WFS1: variants seen among roughly 807,000 people sequenced by gnomAD.
WFS1 encodes the protein wolframin ER transmembrane glycoprotein.
WFS1 carries 90 observed loss-of-function variants against 68.5 expected under a neutral mutation model. That is an observed-to-expected ratio of 1.31 (90% confidence interval 1.11 to 1.56). The LOEUF is 1.56. Ranked by LOEUF, WFS1 falls within the 40% of genes most tolerant of loss-of-function variation. The pLI is 0.00. For missense variants in WFS1, 1,767 were observed against 1,232.6 expected, an observed-to-expected ratio of 1.43 and a Z score of -6.49; for synonymous variants, 860 against 540.7, an observed-to-expected ratio of 1.59 and a Z score of -8.19.
At chr4:6,295,376 CCTTT>C (rs150035476) in intron 7 of WFS1, among the ~76,000 whole-genome samples, 187 bp downstream of exon 7, 2,079 of 152,256 alleles carry the variant, frequency 0.014, 52 homozygotes, top group African/African-American at 0.047. Flanking sequence ...GGGAGAGAGG[CCTTT>C]CTTTTCTGCG....
rs533338023 is a variant in WFS1 at position 6,279,551 on chromosome 4, G to A, written c.232+1864G>A. Among the ~76,000 whole-genome samples, 283 of 152,314 alleles carry A rather than the reference G, an allele frequency of 1.9e-3. 1 individual carries two copies. The highest frequency in any genetic ancestry group is 3.3e-3 in the Non-Finnish European group (224 of 68,012). On this transcript the variant is annotated intron_variant, in intron 2 of 7. Transcript: ENST00000226760. ...CCCCATGTCCCAGGCTCAGAGAAGT[G>A]CACAGAGCAGGTTGGCCTGTCCCTA...
In WFS1 at chr4:6,289,163, G is replaced by A. The variant is rs780014182; in HGVS notation, c.460+32G>A. The A allele has an allele frequency of 1.4e-5, 22 of 1,554,168 alleles. No homozygotes were observed. The South Asian group carries it at 2.5e-4, about 18-fold the overall frequency. On this transcript the variant is annotated intron_variant, in intron 4 of 7. Coordinates refer to ENST00000226760, the MANE Select transcript of WFS1 (RefSeq NM_006005.3). ...CTGTGTGAGGCTTAGAACAGCCTCTGGAGGGTTGAGCAGCTTGTAATGCTG... is the reference window on the plus strand; with the variant it reads ...CTGTGTGAGGCTTAGAACAGCCTCTAGAGGGTTGAGCAGCTTGTAATGCTG...
intron 7 of WFS1, 27 bp from the exon 8 acceptor site, chr4:6,300,630 C>G (rs766412493): frequency 3.7e-6 from 6 of 1,613,480 alleles, no homozygotes; most frequent in Non-Finnish European, 5.1e-6. Context: ...GTCCCAGCCT[C>G]GTTCCCACGT....
intron 4 of WFS1, among the ~76,000 whole-genome samples, chr4:6,290,409 G>A (rs528029404): frequency 1.4e-4 from 21 of 152,344 alleles, no homozygotes; most frequent in Middle Eastern, 3.4e-3. Flanking sequence ...CGGCCCACAC[G>A]GCTCATTGTT....
Position 6,288,746 on chromosome 4 carries a change from C to T in WFS1, c.316-241C>T, listed in dbSNP as rs191976688. 894 of 584,100 alleles carry T rather than the reference C, an allele frequency of 1.5e-3. 4 individuals carry two copies. Among genetic ancestry groups the T allele is most frequent in the East Asian group, 7.4e-3 (235 of 31,948 alleles). The allele number at this position is 584,100 out of a possible 1,614,324, so 36.2% of individuals were successfully genotyped here. On this transcript the variant is annotated intron_variant, in intron 3 of 7. Transcript: ENST00000226760. The stretch of plus-strand genomic sequence containing the variant: ...AACCTGTACCAGTACCAGTCGGAGC[C>T]CGTGTCTCCCTCGCCGTGTGGATGG...
intron 5 of WFS1, 48 bp from the exon 6 acceptor site, chr4:6,291,869 A>C: frequency 7.7e-6 from 12 of 1,555,080 alleles, no homozygotes; most frequent in Non-Finnish European, 1.0e-5. Context: ...GCAGGGCACG[A>C]GGAGATAGTC....
In WFS1 at chr4:6,294,583, G is replaced by A. The variant is rs144673636; in HGVS notation, c.713-458G>A. On this transcript the variant is annotated intron_variant, in intron 6 of 7. Coordinates refer to ENST00000226760, the MANE Select transcript of WFS1 (RefSeq NM_006005.3). ...CACGTTGAATGGAGGGGTTGGGGGC[G>A]CAGATCATGTTCGATGGAGCGGTTG... Among the ~76,000 whole-genome samples the A allele has an allele frequency of 6.4e-3, 977 of 152,264 alleles. 7 individuals carry two copies. Among genetic ancestry groups the A allele is most frequent in the Middle Eastern group, 0.014 (4 of 294 alleles).
chr4:6,270,857 T>C (rs567053560), intron 1 of WFS1, among the ~76,000 whole-genome samples: 5 of 152,266 alleles, frequency 3.3e-5, no homozygotes, highest in African/African-American at 1.2e-4. Flanking sequence ...TAGTCCCCGT[T>C]TGACACCCCA....
At chr4:6,295,678 T>C (rs1442788545) in intron 7 of WFS1, among the ~76,000 whole-genome samples, 1 of 152,096 alleles carries the variant, frequency 6.6e-6, no homozygotes, top group African/African-American at 2.4e-5. Context: ...GCGAGGCCAG[T>C]GTGGGAGCGT....
At position 6,299,476 on chromosome 4, in the gene WFS1, GGGGGTGGGTGTGCACGTGTGTGTA is replaced by G. The variant is rs938361093; in HGVS notation, c.862-1171_862-1148del. Among the ~76,000 whole-genome samples the G allele has an allele frequency of 3.4e-5, 5 of 148,622 alleles. No homozygotes were observed. The South Asian group carries it at 6.3e-4, about 19-fold the overall frequency. ...TGTGCATGTGTGAGGGTGCACGTGTGGGGGTGGGTGTGCACGTGTGTGTAGGGGTGGGTTGCGTGTGTGTGAATG... is the reference window on the plus strand; with the variant it reads ...TGTGCATGTGTGAGGGTGCACGTGTGGGGGTGGGTTGCGTGTGTGTGAATG... On this transcript the variant is annotated intron_variant, in intron 7 of 7. Transcript: ENST00000226760.
At chr4:6,290,522 T>C (rs1251611861) in intron 4 of WFS1, among the ~76,000 whole-genome samples, 1 of 152,258 alleles carries the variant, frequency 6.6e-6, no homozygotes, top group Non-Finnish European at 1.5e-5. Context: ...GATGTGCAGT[T>C]GTGCTTTCTG....
At chr4:6,284,850 T>C (rs1730266403) in intron 2 of WFS1, among the ~76,000 whole-genome samples, 1 of 150,124 alleles carries the variant, frequency 6.7e-6, no homozygotes. Flanking sequence ...GTCTGTGTCA[T>C]TGTGATCGCT....
intron 7 of WFS1, 97 bp from the exon 8 acceptor site, chr4:6,300,560 C>A (rs1730841192): frequency 6.4e-7 from 1 of 1,568,394 alleles, no homozygotes; most frequent in Non-Finnish European, 8.7e-7. Flanking sequence ...GGTGCGGGTT[C>A]CTTTTGCCCA....
At chr4:6,270,086 A>T (rs1176484176) in intron 1 of WFS1, 72 bp downstream of exon 1, 2 of 152,272 alleles carry the variant, frequency 1.3e-5, no homozygotes, top group Non-Finnish European at 2.9e-5. Context: ...AAGAGCCCTG[A>T]GGCACTGTCC....
Position 6,301,533 on chromosome 4 carries a change from G to C in WFS1, c.1738G>C (p.Val580Leu), listed in dbSNP as rs1730914178. The part of the protein sequence containing the change: ...LPILVAGLAL[V>L]GVLQFARWFT... ...CATCCTGGTGGCCGGCCTGGCCCTG[G>C]TGGGCGTGCTGCAGTTCGCCCGGTG... Residue 580 changes from valine to leucine, a missense_variant, in exon 8 of 8, where the codon GTG becomes CTG. Physicochemically the swap from Val to Leu is conservative, Grantham distance 32. Coordinates refer to ENST00000226760, the MANE Select transcript of WFS1 (RefSeq NM_006005.3). 3.1e-6 allele frequency: 5 copies of C among 1,613,976 alleles called. No individual in the cohort carries two copies. Among genetic ancestry groups the C allele is most frequent in the Non-Finnish European group, 4.2e-6 (5 of 1,180,046 alleles).
At position 6,300,763 on chromosome 4, in the gene WFS1, A is replaced by T. The variant is rs1057368575; in HGVS notation, c.968A>T (p.His323Leu). 4 of 1,613,858 alleles carry T rather than the reference A, an allele frequency of 2.5e-6. No individual in the cohort carries two copies. Among genetic ancestry groups the T allele is most frequent in the African/African-American group, 1.3e-5 (1 of 74,820 alleles). The change falls in exon 8 of 8, where the codon CAC becomes CTC. Residue 323 changes from histidine (H) to leucine (L), a missense_variant. Physicochemically the swap from His to Leu is moderately conservative, Grantham distance 99. Transcript: ENST00000226760. The part of the protein sequence containing the change: ...HWLSTIIPTH[H>L]INALIFFFIV... Reference sequence around the variant, plus strand: ...CTGTCCACCATCATCCCCACGCACCACATCAACGCGCTCATCTTCTTCTTC... The same window carrying T: ...CTGTCCACCATCATCCCCACGCACCTCATCAACGCGCTCATCTTCTTCTTC...
chr4:6,302,823 C>CTT lies in WFS1; in HGVS notation c.*356_*357insTT, dbSNP rs568320906. On this transcript the variant is annotated 3_prime_UTR_variant, in exon 8 of 8. Transcript: ENST00000226760. ...CCCCCACCTTCAAGCACCCTGTTCCCTCTTTCTTTCTTTTGTGTTGGATTT... is the reference window on the plus strand; with the variant it reads ...CCCCCACCTTCAAGCACCCTGTTCCCTTTCTTTCTTTCTTTTGTGTTGGATTT... 3.2e-4 allele frequency: 120 copies of CTT among 375,342 alleles called. No individual in the cohort carries two copies. Among genetic ancestry groups the CTT allele is most frequent in the African/African-American group, 1.6e-3 (79 of 48,786 alleles). The allele number at this position is 375,342 out of a possible 1,614,324, so 23.3% of individuals were successfully genotyped here.
At chr4:6,293,291 G>A (rs1253172123) in intron 6 of WFS1, among the ~76,000 whole-genome samples, 1 of 152,178 alleles carries the variant, frequency 6.6e-6, no homozygotes, top group Non-Finnish European at 1.5e-5. Flanking sequence ...CGAGTTAGGA[G>A]TCAGCGCTGC....
rs376974936 is a variant in WFS1, at chr4:6,302,160, G to A, written c.2365G>A (p.Gly789Ser). ...VGMPFSSGAD[G>S]SRSREEDDVT... ...CATGCCATTCAGCAGCGGCGCTGAC[G>A]GCTCGCGCAGCCGCGAGGAGGACGA... The change falls in exon 8 of 8, where the codon GGC becomes AGC. Residue 789 changes from glycine to serine, a missense_variant. Gly to Ser is a moderately conservative substitution (Grantham distance 56). Coordinates refer to ENST00000226760, the MANE Select transcript of WFS1 (RefSeq NM_006005.3). 53 of 1,612,804 alleles carry A rather than the reference G, an allele frequency of 3.3e-5. No individual in the cohort carries two copies. The African/African-American group carries it at 4.1e-4, about 13-fold the overall frequency.
Sources: allele counts gnomAD v4.1 joint callset (sites outside exome capture counted in the v4.1 genomes callset), GRCh38; gene constraint gnomAD v4.1.1; transcripts MANE v1.5; gene names NCBI Gene and HGNC (gene_info 2026-07-23, HGNC 2026-07-21).